The following UGT1A8 variants were observed in gnomAD, a reference collection of about 807,000 sequenced individuals.
UGT1A8 encodes the protein UDP-glucuronosyltransferase 1A8.
A neutral mutation model predicts 45.3 loss-of-function variants in UGT1A8; 39 were observed. That is an observed-to-expected ratio of 0.86 (90% CI 0.67 to 1.12). The LOEUF (loss-of-function observed/expected upper bound fraction) is 1.12. UGT1A8 is among the 50% of genes most tolerant of loss of function. UGT1A8 has a pLI of 0.00. For missense variants in UGT1A8, 719 were observed against 664.9 expected, an observed-to-expected ratio of 1.08 and a Z score of -0.90; for synonymous variants, 275 against 249.2, an observed-to-expected ratio of 1.10 and a Z score of -0.97.
chr2:233,706,522 G>A (rs1218157310), intron 1 of UGT1A8, among the ~76,000 whole-genome samples: 3 of 152,204 alleles, frequency 2.0e-5, no homozygotes, highest in South Asian at 4.1e-4. Flanking sequence ...ATTTTACAGC[G>A]GCTTAGAAAC....
At chr2:233,746,211 T>C (rs371025099) in intron 1 of UGT1A8, among the ~76,000 whole-genome samples, 2 of 151,850 alleles carry the variant, frequency 1.3e-5, no homozygotes, top group East Asian at 3.9e-4. Flanking sequence ...TATACTCTAA[T>C]AGCAAGGACA....
intron 1 of UGT1A8, among the ~76,000 whole-genome samples, chr2:233,698,248 C>A (rs1559349611): frequency 6.6e-6 from 1 of 152,096 alleles, no homozygotes; most frequent in Non-Finnish European, 1.5e-5. Flanking sequence ...AATAGAATTT[C>A]TTTTGTCCAA....
At chr2:233,767,785 G>C (rs1699483415) in intron 2 of UGT1A8, 64 bp from the exon 3 acceptor site, 2 of 1,613,510 alleles carry the variant, frequency 1.2e-6, no homozygotes, top group Non-Finnish European at 1.7e-6. Flanking sequence ...AGTTAGTATA[G>C]CAGATTTGTT....
chr2:233,682,749 T>C (rs372834137), intron 1 of UGT1A8: 136 of 1,613,808 alleles, frequency 8.4e-5, no homozygotes, highest in Non-Finnish European at 1.1e-4. Flanking sequence ...AATATGATCT[T>C]CATTGGTGGT....
intron 1 of UGT1A8, chr2:233,647,839 T>A: frequency 9.1e-7 from 1 of 1,103,036 alleles, no homozygotes; most frequent in South Asian, 1.6e-5. Context: ...CTAGCTTTGG[T>A]GTCATTGGTT....
chr2:233,743,732 C>G (rs1474165671), intron 1 of UGT1A8: 4 of 1,367,408 alleles, frequency 2.9e-6, no homozygotes, highest in Non-Finnish European at 3.9e-6. Flanking sequence ...ATAGATATCG[C>G]GTTTCTTGGC....
chr2:233,725,835 CTATGT>C (rs1185160672), intron 1 of UGT1A8, among the ~76,000 whole-genome samples: 4 of 152,052 alleles, frequency 2.6e-5, no homozygotes, highest in Admixed American at 2.0e-4. Flanking sequence ...ATTGCTACTC[CTATGT>C]TATTTTTTCA....
intron 1 of UGT1A8, among the ~76,000 whole-genome samples, chr2:233,707,167 C>T (rs551362724): frequency 4.5e-4 from 69 of 152,260 alleles, no homozygotes; most frequent in African/African-American, 1.6e-3. Context: ...AGCACCCAGA[C>T]ATCCATCCTG....
intron 1 of UGT1A8, chr2:233,712,968 C>A (rs371730914): frequency 1.6e-5 from 26 of 1,612,856 alleles, no homozygotes; most frequent in Admixed American, 3.3e-5. Flanking sequence ...GGTGGACAGT[C>A]AGCTGTCGGT....
intron 1 of UGT1A8, chr2:233,721,895 C>A: frequency 2.1e-6 from 1 of 474,970 alleles, no homozygotes; most frequent in Non-Finnish European, 4.2e-6. Context: ...ATTGCAATAT[C>A]GAAATGGTGC....
chr2:233,717,022 C>A (rs889344581), intron 1 of UGT1A8, among the ~76,000 whole-genome samples: 1 of 152,198 alleles, frequency 6.6e-6, no homozygotes, highest in African/African-American at 2.4e-5. Context: ...AAGGCACCAC[C>A]ATCTTCCAAG....
chr2:233,718,774 A>G, intron 1 of UGT1A8: 2 of 1,612,926 alleles, frequency 1.2e-6, no homozygotes, highest in Non-Finnish European at 1.7e-6. Flanking sequence ...CAAATGTAGC[A>G]GGCACAGCGT....
chr2:233,699,544 A>C (rs1031382585), intron 1 of UGT1A8, among the ~76,000 whole-genome samples: 9 of 152,228 alleles, frequency 5.9e-5, no homozygotes, highest in Non-Finnish European at 1.2e-4. Context: ...TTCACATCAT[A>C]GAGCCAGGTC....
chr2:233,642,030 T>C (rs1476398666), intron 1 of UGT1A8, among the ~76,000 whole-genome samples: 1 of 152,236 alleles, frequency 6.6e-6, no homozygotes, highest in Admixed American at 6.5e-5. Context: ...CTTCTCATAC[T>C]TGAATATAGG....
intron 1 of UGT1A8, among the ~76,000 whole-genome samples, chr2:233,705,399 C>T (rs2075845661): frequency 6.6e-6 from 1 of 152,166 alleles, no homozygotes; most frequent in African/African-American, 2.4e-5. Flanking sequence ...TGATACTCAT[C>T]AGAGACTTGT....
intron 1 of UGT1A8, chr2:233,729,580 G>T (rs1173823141): frequency 2.5e-6 from 4 of 1,613,992 alleles, no homozygotes; most frequent in Non-Finnish European, 3.4e-6. Flanking sequence ...GGTTTTAACA[G>T]ACCCCGTTAA....
chr2:233,629,643 A>C (rs977543241), intron 1 of UGT1A8, among the ~76,000 whole-genome samples: 2 of 152,062 alleles, frequency 1.3e-5, no homozygotes, highest in South Asian at 4.1e-4. Context: ...TCATAAAATG[A>C]ATTAGGAAAT....
At chr2:233,672,824 T>C in intron 1 of UGT1A8, 1 of 1,575,234 alleles carries the variant, frequency 6.3e-7, no homozygotes, top group Non-Finnish European at 8.6e-7. Flanking sequence ...TTAAGAATAC[T>C]TCACCTTTGG....
chr2:233,639,629 C>T (rs989696089), intron 1 of UGT1A8, among the ~76,000 whole-genome samples: 3 of 152,236 alleles, frequency 2.0e-5, no homozygotes, highest in Non-Finnish European at 4.4e-5. Flanking sequence ...GGTGTGTTTG[C>T]GTGCAGTGTC....
Sources: allele counts gnomAD v4.1 joint callset (sites outside exome capture counted in the v4.1 genomes callset), GRCh38; gene constraint gnomAD v4.1.1; transcripts MANE v1.5; gene names NCBI Gene and HGNC (gene_info 2026-07-23, HGNC 2026-07-21).